Variants in SCARA5 observed in about 807,000 individuals in gnomAD.
SCARA5 encodes scavenger receptor class A member 5.
SCARA5 carries 45 observed loss-of-function variants against 46.3 expected under a neutral mutation model. That is an observed-to-expected ratio of 0.97 (90% CI 0.76 to 1.24). The LOEUF is 1.24. SCARA5 is among the 50% of genes most tolerant of loss of function. The probability of loss-of-function intolerance (pLI) is 0.00; values close to 1 mark genes in which losing one functional copy is unlikely to be tolerated. For synonymous variants in SCARA5, 333 were observed against 306.5 expected, an observed-to-expected ratio of 1.09 and a Z score of -0.90; for missense variants, 680 against 689.0, an observed-to-expected ratio of 0.99 and a Z score of 0.15.
chr8:27,901,838 C>T lies in SCARA5; in HGVS notation c.1153+2940G>A, dbSNP rs1006157337. Reference sequence around the variant, plus strand: ...GGCCCTACTACCCAAGACCAGGGGCCGAAGCCCCCATCCCAGGGTCAGGAA... The same window carrying T: ...GGCCCTACTACCCAAGACCAGGGGCTGAAGCCCCCATCCCAGGGTCAGGAA... On this transcript the variant is annotated intron_variant, in intron 7 of 8. Transcript: ENST00000354914. Among the ~76,000 whole-genome samples, 8 of 152,310 alleles carry T rather than the reference C, an allele frequency of 5.3e-5. No individual in the cohort carries two copies. In the South Asian group the frequency reaches 6.2e-4, roughly 12 times the overall value.
chr8:27,962,706 C>A (rs1292583903), intron 3 of SCARA5, among the ~76,000 whole-genome samples: 1 of 152,196 alleles, frequency 6.6e-6, no homozygotes, highest in African/African-American at 2.4e-5. Context: ...TTTCCCCAAC[C>A]ATTCCAGCCC....
intron 7 of SCARA5, among the ~76,000 whole-genome samples, chr8:27,902,319 C>A (rs144820962): frequency 6.6e-5 from 10 of 152,224 alleles, no homozygotes; most frequent in South Asian, 2.1e-4. Context: ...GGCCTCCCCC[C>A]ACGCCTCCCC....
chr8:27,918,064 A>G (rs776886672), intron 4 of SCARA5, among the ~76,000 whole-genome samples: 1 of 152,254 alleles, frequency 6.6e-6, no homozygotes, highest in Non-Finnish European at 1.5e-5. Flanking sequence ...GGGGACACAG[A>G]GACATACAGA....
intron 7 of SCARA5, among the ~76,000 whole-genome samples, chr8:27,883,762 G>A (rs1806847581): frequency 1.3e-5 from 2 of 152,154 alleles, no homozygotes; most frequent in South Asian, 4.1e-4. Context: ...GGTGGACATT[G>A]TACTGGAACC....
At chr8:27,891,690 A>G (rs1806986860) in intron 7 of SCARA5, among the ~76,000 whole-genome samples, 1 of 152,222 alleles carries the variant, frequency 6.6e-6, no homozygotes, top group Admixed American at 6.5e-5. Context: ...CCAGTTATCA[A>G]ACCCAGATGG....
chr8:27,892,974 AC>A lies in SCARA5; in HGVS notation c.1153+11803del, dbSNP rs562919764. Among the ~76,000 whole-genome samples, 1,454 of 152,198 alleles carry A rather than the reference AC, an allele frequency of 9.6e-3. 27 individuals carry two copies. Among genetic ancestry groups the A allele is most frequent in the African/African-American group, 0.033 (1,370 of 41,510 alleles). On this transcript the variant is annotated intron_variant, in intron 7 of 8. Transcript: ENST00000354914. The stretch of plus-strand genomic sequence containing the variant: ...CAACAGGGCATGTCAAGGACTTGGC[AC>A]CTAACGTGAGGTCTCATCATTGTGA...
rs1051575873 is a variant in SCARA5 at position 27,871,879 on chromosome 8, A to C, written c.*55T>G. The C allele has an allele frequency of 4.2e-5, 68 of 1,610,582 alleles. No individual in the cohort carries two copies. The highest frequency in any genetic ancestry group is 5.2e-5 in the Non-Finnish European group (61 of 1,178,564). On this transcript the variant is annotated 3_prime_UTR_variant, in exon 9 of 9. Coordinates refer to ENST00000354914, the MANE Select transcript of SCARA5 (RefSeq NM_173833.6). ...GTGGCCCCGAGCTGTGCCCCACCCC[A>C]GGGATGCAGGAAGGGTGCTCTGTGC...
chr8:27,983,859 C>T (rs1394523180), intron 2 of SCARA5, among the ~76,000 whole-genome samples: 2 of 152,026 alleles, frequency 1.3e-5, no homozygotes, highest in African/African-American at 2.4e-5. Flanking sequence ...ACTTTTGGGA[C>T]TTTGCCTCCC....
intron 3 of SCARA5, among the ~76,000 whole-genome samples, chr8:27,948,613 A>G (rs1220093357): frequency 6.6e-6 from 1 of 152,178 alleles, no homozygotes; most frequent in Non-Finnish European, 1.5e-5. Flanking sequence ...GAGCTCTTCA[A>G]ACTGGCCAGT....
chr8:27,936,193 G>GGC, intron 3 of SCARA5, among the ~76,000 whole-genome samples: 1 of 152,222 alleles, frequency 6.6e-6, no homozygotes. Context: ...GCCATCTGGA[G>GGC]ACTCATCCGC....
intron 3 of SCARA5, among the ~76,000 whole-genome samples, chr8:27,963,603 A>T (rs1808322986): frequency 6.6e-6 from 1 of 152,120 alleles, no homozygotes; most frequent in African/African-American, 2.4e-5. Flanking sequence ...CTGATAGAAT[A>T]ATTTGGGTGG....
At chr8:27,917,933 G>A (rs541526982) in intron 4 of SCARA5, among the ~76,000 whole-genome samples, 1 of 152,318 alleles carries the variant, frequency 6.6e-6, no homozygotes, top group South Asian at 2.1e-4. Context: ...AAGGCCCAAA[G>A]TGACCCAGGA....
At chr8:27,893,240 A>T (rs1807014780) in intron 7 of SCARA5, among the ~76,000 whole-genome samples, 2 of 152,136 alleles carry the variant, frequency 1.3e-5, no homozygotes, top group African/African-American at 4.8e-5. Flanking sequence ...GGACCAGGGC[A>T]TCCGTGAGGC....
intron 6 of SCARA5, 74 bp downstream of exon 6, chr8:27,907,074 G>T (rs531382390): frequency 3.9e-6 from 4 of 1,022,630 alleles, no homozygotes; most frequent in East Asian, 2.6e-5. Context: ...TAAGAGTCCT[G>T]GTCCCCCATG....
At chr8:27,877,004 C>T (rs1286428908) in intron 8 of SCARA5, among the ~76,000 whole-genome samples, 1 of 152,132 alleles carries the variant, frequency 6.6e-6, no homozygotes, top group East Asian at 1.9e-4. Flanking sequence ...GCATTAAAAC[C>T]CTTGGCACAT....
chr8:27,942,330 C>T (rs1278587248), intron 3 of SCARA5, among the ~76,000 whole-genome samples: 2 of 152,152 alleles, frequency 1.3e-5, no homozygotes, highest in South Asian at 2.1e-4. Flanking sequence ...GATGGTGGCC[C>T]CCACTACTGC....
At chr8:27,903,542 G>A (rs887534862) in intron 7 of SCARA5, 1 of 152,236 alleles carries the variant, frequency 6.6e-6, no homozygotes, top group Non-Finnish European at 1.5e-5. Context: ...CATGTCATTA[G>A]TCATGGTTAT....
At chr8:27,934,935 G>C (rs1807831129) in intron 3 of SCARA5, among the ~76,000 whole-genome samples, 1 of 152,252 alleles carries the variant, frequency 6.6e-6, no homozygotes, top group African/African-American at 2.4e-5. Flanking sequence ...CTCACGGCCA[G>C]CATGAAGGAG....
At chr8:27,922,806 G>T (rs1231472082) in intron 3 of SCARA5, among the ~76,000 whole-genome samples, 1 of 152,192 alleles carries the variant, frequency 6.6e-6, no homozygotes, top group East Asian at 1.9e-4. Context: ...TCTTTAGGAG[G>T]TGATTGAGTC....
Sources: allele counts gnomAD v4.1 joint callset (sites outside exome capture counted in the v4.1 genomes callset), GRCh38; gene constraint gnomAD v4.1.1; transcripts MANE v1.5; gene names NCBI Gene and HGNC (gene_info 2026-07-23, HGNC 2026-07-21).